CFAP90: variants seen among roughly 807,000 people sequenced by gnomAD.
CFAP90 encodes the protein cilia- and flagella-associated protein 90.
At chr5:7,835,516 A>C in the CFAP90 span, 1 of 1,427,980 alleles carries the variant, frequency 7.0e-7, no homozygotes, top group Non-Finnish European at 9.7e-7. Context: ...AAAAAAGAGA[A>C]AGAAAGCCAT....
the CFAP90 span, among the ~76,000 whole-genome samples, chr5:7,847,445 G>GA: frequency 8.2e-3 from 1 of 122 alleles, no homozygotes; most frequent in Admixed American, 0.12. Flanking sequence ...CATTAGAGCA[G>GA]GGGTGGGAAA....
chr5:7,843,513 T>C, the CFAP90 span, among the ~76,000 whole-genome samples: 37 of 152,186 alleles, frequency 2.4e-4, no homozygotes, highest in Admixed American at 2.2e-3. Context: ...CTTGTGTCTG[T>C]GTCAAATTCT....
chr5:7,845,510 A>G, the CFAP90 span, among the ~76,000 whole-genome samples: 1 of 152,236 alleles, frequency 6.6e-6, no homozygotes, highest in African/African-American at 2.4e-5. Context: ...AAGCCCCCTC[A>G]GCATGAGGGA....
the CFAP90 span, among the ~76,000 whole-genome samples, chr5:7,834,175 C>T: frequency 1.3e-5 from 2 of 152,062 alleles, no homozygotes; most frequent in African/African-American, 2.4e-5. Flanking sequence ...TGCGTGACGT[C>T]GCCTTTGAAG....
chr5:7,837,260 T>C, the CFAP90 span, among the ~76,000 whole-genome samples: 1 of 152,150 alleles, frequency 6.6e-6, no homozygotes, highest in African/African-American at 2.4e-5. Flanking sequence ...CGGTATCTAG[T>C]AAAAGAAAAA....
chr5:7,841,686 G>A, the CFAP90 span, among the ~76,000 whole-genome samples: 10 of 152,146 alleles, frequency 6.6e-5, no homozygotes, highest in African/African-American at 2.4e-4. Flanking sequence ...GGACATGGAT[G>A]GAGCTGGAGG....
the CFAP90 span, among the ~76,000 whole-genome samples, chr5:7,836,107 A>C: frequency 6.6e-6 from 1 of 152,142 alleles, no homozygotes; most frequent in Non-Finnish European, 1.5e-5. Context: ...CCTCAGGCCT[A>C]ATCCCCTCCC....
At chr5:7,842,339 A>G in the CFAP90 span, among the ~76,000 whole-genome samples, 1 of 151,636 alleles carries the variant, frequency 6.6e-6, no homozygotes, top group Non-Finnish European at 1.5e-5. Context: ...ACAGAAAAAA[A>G]TTAATACCTT....
At chr5:7,832,645 G>T in the CFAP90 span, among the ~76,000 whole-genome samples, 27 of 151,950 alleles carry the variant, frequency 1.8e-4, no homozygotes, top group Admixed American at 3.3e-4. Context: ...GCACCACCAC[G>T]CTCGGCTAGT....
At chr5:7,848,270 T>C in the CFAP90 span, among the ~76,000 whole-genome samples, 1 of 152,094 alleles carries the variant, frequency 6.6e-6, no homozygotes, top group Non-Finnish European at 1.5e-5. Flanking sequence ...CAGAGGATAA[T>C]CGAGCCTGGG....
chr5:7,838,622 C>T, the CFAP90 span, among the ~76,000 whole-genome samples: 20 of 152,326 alleles, frequency 1.3e-4, 1 homozygote, highest in South Asian at 3.3e-3. Context: ...CATGCCACCC[C>T]ACATACGCCC....
the CFAP90 span, among the ~76,000 whole-genome samples, chr5:7,848,072 C>T: frequency 6.6e-6 from 1 of 152,212 alleles, no homozygotes; most frequent in Non-Finnish European, 1.5e-5. Flanking sequence ...ATGCATTAAT[C>T]ATAAGCTGAT....
the CFAP90 span, among the ~76,000 whole-genome samples, chr5:7,845,657 G>T: frequency 1.3e-5 from 2 of 151,910 alleles, no homozygotes; most frequent in Non-Finnish European, 3.0e-5. Context: ...GCACAAGGCA[G>T]AAGAAGAAAA....
At chr5:7,848,925 C>A in the CFAP90 span, among the ~76,000 whole-genome samples, 1 of 152,196 alleles carries the variant, frequency 6.6e-6, no homozygotes, top group Non-Finnish European at 1.5e-5. Flanking sequence ...GTCAGTTAAA[C>A]CTCTTTCCTT....
chr5:7,841,937 G>C, the CFAP90 span, among the ~76,000 whole-genome samples: 3 of 152,050 alleles, frequency 2.0e-5, no homozygotes, highest in African/African-American at 4.8e-5. Context: ...ATACGTTTAC[G>C]TATGTAACAA....
the CFAP90 span, among the ~76,000 whole-genome samples, chr5:7,837,872 G>A: frequency 1.3e-5 from 2 of 152,152 alleles, no homozygotes; most frequent in Non-Finnish European, 2.9e-5. Flanking sequence ...ACTCTAATCC[G>A]CTTGAAGGAG....
chr5:7,850,965 C>A, the CFAP90 span: 1 of 1,323,850 alleles, frequency 7.6e-7, no homozygotes. Context: ...AGACGGGCGG[C>A]GGCCTGGGCT....
the CFAP90 span, among the ~76,000 whole-genome samples, chr5:7,832,830 G>C: frequency 6.6e-6 from 1 of 152,182 alleles, no homozygotes; most frequent in South Asian, 2.1e-4. Flanking sequence ...AGGAATGGCA[G>C]CTCTGAGAGG....
the CFAP90 span, among the ~76,000 whole-genome samples, chr5:7,842,636 G>T: frequency 6.6e-6 from 1 of 152,114 alleles, no homozygotes; most frequent in Non-Finnish European, 1.5e-5. Context: ...CCATGAAAAA[G>T]AAGGCACTTG....
Sources: gnomAD v4.1 joint callset for allele counts (sites outside exome capture counted in the v4.1 genomes callset) on GRCh38, gnomAD v4.1.1 for gene constraint, MANE v1.5 for transcripts, NCBI Gene and HGNC (gene_info 2026-07-23, HGNC 2026-07-21) for gene names.